PRKCZ: variants seen among roughly 807,000 people sequenced by gnomAD.
PRKCZ encodes the protein protein kinase C zeta type.
Under a neutral mutation model 79.5 loss-of-function variants are expected in PRKCZ, and 33 were observed. That is an observed-to-expected ratio of 0.41 (90% CI 0.31 to 0.55). The LOEUF (loss-of-function observed/expected upper bound fraction) is 0.55. PRKCZ is among the 20% of genes least tolerant of loss of function. PRKCZ has a pLI of 0.19. For missense variants in PRKCZ, 578 were observed against 813.5 expected, an observed-to-expected ratio of 0.71 and a Z score of 3.52; for synonymous variants, 342 against 320.9, an observed-to-expected ratio of 1.07 and a Z score of -0.70.
chr1:2,077,528 G>A (rs1177651751), intron 4 of PRKCZ, among the ~76,000 whole-genome samples: 2 of 152,224 alleles, frequency 1.3e-5, no homozygotes, highest in African/African-American at 2.4e-5. Context: ...TCAGGAAATT[G>A]TGTTGTTGCC....
At chr1:2,059,631 G>T in intron 4 of PRKCZ, 40 bp downstream of exon 4, 1 of 1,611,008 alleles carries the variant, frequency 6.2e-7, no homozygotes, top group South Asian at 1.1e-5. Context: ...CGCATGTTAC[G>T]GGGTTGAACT....
chr1:2,160,240 T>TGTGTG (rs1182864311), intron 10 of PRKCZ, among the ~76,000 whole-genome samples: 3 of 72,742 alleles, frequency 4.1e-5, no homozygotes, highest in African/African-American at 1.3e-4. Flanking sequence ...GCAGTGTGCG[T>TGTGTG]GTGTGTGTGT....
intron 4 of PRKCZ, among the ~76,000 whole-genome samples, chr1:2,130,480 C>T (rs1016481626): frequency 2.6e-5 from 4 of 152,156 alleles, no homozygotes; most frequent in Admixed American, 1.3e-4. Context: ...ACTCCCACCT[C>T]GGAGACCCTG....
At chr1:2,071,917 G>A (rs1334740712) in intron 4 of PRKCZ, among the ~76,000 whole-genome samples, 2 of 152,212 alleles carry the variant, frequency 1.3e-5, no homozygotes, top group Non-Finnish European at 2.9e-5. Context: ...GTGCATGGCC[G>A]TGTCCTAGTG....
intron 2 of PRKCZ, among the ~76,000 whole-genome samples, chr1:2,056,041 C>T (rs1202741103): frequency 1.3e-5 from 2 of 152,232 alleles, no homozygotes; most frequent in African/African-American, 4.8e-5. Context: ...GACTGGCGGG[C>T]AGCTCTTGGC....
chr1:2,124,445 A>T (rs1673464431), intron 4 of PRKCZ, among the ~76,000 whole-genome samples: 2 of 151,210 alleles, frequency 1.3e-5, no homozygotes, highest in South Asian at 4.2e-4. Flanking sequence ...TTGTGGTGGG[A>T]TTTGTGCCCT....
chr1:2,151,163 A>G (rs262668), intron 9 of PRKCZ, among the ~76,000 whole-genome samples, 185 bp downstream of exon 9: 52,277 of 152,210 alleles, frequency 0.34, 9,279 homozygotes, highest in South Asian at 0.41. Flanking sequence ...CTGGTTAGGT[A>G]ATGGCACTGT....
intron 2 of PRKCZ, 71 bp from the exon 3 acceptor site, chr1:2,056,413 G>A: frequency 2.2e-6 from 3 of 1,387,212 alleles, no homozygotes; most frequent in Non-Finnish European, 3.0e-6. Flanking sequence ...CTGGTGTGCT[G>A]AGCGGGCTCG....
intron 4 of PRKCZ, among the ~76,000 whole-genome samples, chr1:2,107,453 G>A (rs1668784291): frequency 1.3e-5 from 2 of 152,242 alleles, no homozygotes; most frequent in Non-Finnish European, 2.9e-5. Context: ...TGCATGTGGG[G>A]GCTCCGTCCC....
At chr1:2,160,238 C>CGT (rs56068331) in intron 10 of PRKCZ, among the ~76,000 whole-genome samples, 11,303 of 146,396 alleles carry the variant, frequency 0.077, 427 homozygotes, top group Middle Eastern at 0.12. Context: ...CAGCAGTGTG[C>CGT]GTGTGTGTGT....
At chr1:2,063,853 T>TC (rs1660905266) in intron 4 of PRKCZ, among the ~76,000 whole-genome samples, 1 of 151,106 alleles carries the variant, frequency 6.6e-6, no homozygotes, top group African/African-American at 2.4e-5. Flanking sequence ...TTCTTTTTTT[T>TC]TTTTTTTTTT....
intron 5 of PRKCZ, chr1:2,142,344 CAA>C (rs1677527809): frequency 3.5e-5 from 4 of 114,886 alleles, no homozygotes; most frequent in Non-Finnish European, 6.6e-5. Context: ...CGCCTCCTTT[CAA>C]TCCAGGGTCC....
At chr1:2,182,000 G>A (rs915418338) in intron 16 of PRKCZ, 5 of 379,556 alleles carry the variant, frequency 1.3e-5, no homozygotes, top group East Asian at 1.5e-4. Context: ...TGGCCTGGCC[G>A]TGGATGCTGC....
intron 4 of PRKCZ, among the ~76,000 whole-genome samples, chr1:2,113,224 TGTAAG>T (rs1447919817): frequency 6.6e-6 from 1 of 152,218 alleles, no homozygotes; most frequent in African/African-American, 2.4e-5. Flanking sequence ...TGTTTTTTAA[TGTAAG>T]GTTTTAACGT....
chr1:2,143,096 T>G (rs1677733125), intron 5 of PRKCZ: 1 of 146,792 alleles, frequency 6.8e-6, no homozygotes, highest in Non-Finnish European at 1.5e-5. Flanking sequence ...TGACGCAATC[T>G]CGGCTCACTG....
chr1:2,175,855 C>A (rs1048468662), intron 16 of PRKCZ, among the ~76,000 whole-genome samples: 30 of 152,204 alleles, frequency 2.0e-4, no homozygotes, highest in Admixed American at 7.2e-4. Flanking sequence ...TGGCTTGGTG[C>A]CGCCAGGAGC....
chr1:2,137,700 C>T (rs568110751), intron 5 of PRKCZ, among the ~76,000 whole-genome samples: 1 of 152,356 alleles, frequency 6.6e-6, no homozygotes, highest in East Asian at 1.9e-4. Context: ...TGGCCTCTCA[C>T]TGTGCAGCTT....
intron 4 of PRKCZ, among the ~76,000 whole-genome samples, chr1:2,084,313 T>C (rs1664098889): frequency 6.6e-6 from 1 of 152,224 alleles, no homozygotes; most frequent in Non-Finnish European, 1.5e-5. Flanking sequence ...CAGGTCTTCC[T>C]AAGCGCAGTG....
At chr1:2,136,200 T>C (rs901815740) in intron 5 of PRKCZ, among the ~76,000 whole-genome samples, 6 of 152,172 alleles carry the variant, frequency 3.9e-5, no homozygotes, top group Admixed American at 2.6e-4. Context: ...TCTACTCCCA[T>C]GGTCTGCCCT....
Sources: allele counts gnomAD v4.1 joint callset (sites outside exome capture counted in the v4.1 genomes callset), GRCh38; gene constraint gnomAD v4.1.1; transcripts MANE v1.5; gene names NCBI Gene and HGNC (gene_info 2026-07-23, HGNC 2026-07-21).